RARB: variants seen among roughly 807,000 people sequenced by gnomAD.
The protein encoded by RARB is retinoic acid receptor beta, also known as HBV-activated protein.
Under a neutral mutation model 51.9 loss-of-function variants are expected in RARB, and 17 were observed. The ratio of observed to expected loss-of-function variants is 0.33; its 90% CI spans 0.22 to 0.49. RARB has a LOEUF of 0.49. Among genes scored for constraint, RARB ranks in the 20% least tolerant of loss-of-function variants. The probability of loss-of-function intolerance (pLI) is 0.99; values close to 1 mark genes in which losing one functional copy is unlikely to be tolerated. For synonymous variants in RARB, 215 were observed against 195.4 expected (o/e 1.10, Z -0.84); for missense variants, 369 against 550.8 (o/e 0.67, Z 3.30).
At chr3:25,482,737 C>T (rs1193863277) in intron 2 of RARB, among the ~76,000 whole-genome samples, 1 of 151,606 alleles carries the variant, frequency 6.6e-6, no homozygotes, top group Admixed American at 6.6e-5. Flanking sequence ...GACGGGGTTT[C>T]ACCATGTTAG....
intron 3 of RARB, among the ~76,000 whole-genome samples, chr3:25,085,652 A>AT (rs1057495690): frequency 3.9e-5 from 6 of 152,116 alleles, no homozygotes; most frequent in African/African-American, 7.2e-5. Context: ...TATAAATCAG[A>AT]TTTTTTAGTC....
chr3:24,958,898 A>C (rs190992276), intron 2 of RARB, among the ~76,000 whole-genome samples: 2 of 152,204 alleles, frequency 1.3e-5, no homozygotes, highest in East Asian at 3.9e-4. Flanking sequence ...GCCTCATGAC[A>C]GGAGTGCCTT....
chr3:25,401,840 G>A (rs1286306456), intron 5 of RARB, among the ~76,000 whole-genome samples: 1 of 152,166 alleles, frequency 6.6e-6, no homozygotes, highest in Non-Finnish European at 1.5e-5. Flanking sequence ...GCAGTGGCAT[G>A]ATCTAGGTTC....
At position 25,137,854 on chromosome 3, in the gene RARB, G is replaced by A. The variant is rs1006146879; in HGVS notation, c.-280+5646G>A. Among the ~76,000 whole-genome samples the A allele has an allele frequency of 2.0e-5, 3 of 152,212 alleles. No homozygotes were observed. The East Asian group carries it at 5.8e-4, about 29-fold the overall frequency. On this transcript the variant is annotated intron_variant, in intron 4 of 11. Transcript: ENST00000383772. ...CGGCCCACAGCCATGACTGAGAGGC[G>A]AAACTACTTTGTAAGACCTGAAGGC...
intron 5 of RARB, among the ~76,000 whole-genome samples, chr3:25,309,855 C>T (rs1388426032): frequency 6.6e-6 from 1 of 152,096 alleles, no homozygotes; most frequent in Admixed American, 6.6e-5. Flanking sequence ...TTTTACATTA[C>T]CCCTACACAT....
chr3:25,309,916 C>T (rs1435372656), intron 5 of RARB, among the ~76,000 whole-genome samples: 1 of 152,150 alleles, frequency 6.6e-6, no homozygotes, highest in Non-Finnish European at 1.5e-5. Flanking sequence ...TACTTGATGG[C>T]TTTAAAGAAA....
intron 5 of RARB, among the ~76,000 whole-genome samples, chr3:25,190,498 T>A (rs950440897): frequency 2.6e-5 from 4 of 152,148 alleles, no homozygotes; most frequent in Admixed American, 6.6e-5. Flanking sequence ...GATGTTTAAC[T>A]GGCATGTTCT....
chr3:25,464,669 A>C (rs1695342469), intron 2 of RARB, among the ~76,000 whole-genome samples: 1 of 152,156 alleles, frequency 6.6e-6, no homozygotes, highest in Non-Finnish European at 1.5e-5. Context: ...AAAAAAATTA[A>C]ATATAATTTT....
chr3:25,023,470 T>C (rs941792335), intron 2 of RARB, among the ~76,000 whole-genome samples: 2 of 150,144 alleles, frequency 1.3e-5, no homozygotes, highest in African/African-American at 4.9e-5. Context: ...CAGTATGTGT[T>C]TATGAGCACT....
At chr3:25,192,336 A>C (rs147982725) in intron 5 of RARB, among the ~76,000 whole-genome samples, 245 of 152,238 alleles carry the variant, frequency 1.6e-3, no homozygotes, top group African/African-American at 5.9e-3. Context: ...TAATTGTTTT[A>C]AAACTATTGG....
At chr3:25,213,106 A>G (rs556935478) in intron 5 of RARB, among the ~76,000 whole-genome samples, 1 of 152,114 alleles carries the variant, frequency 6.6e-6, no homozygotes, top group African/African-American at 2.4e-5. Flanking sequence ...TGCCATCCAT[A>G]TAAGATACTA....
Position 25,020,830 on chromosome 3 carries a change from G to A in RARB, c.-379-39295G>A, listed in dbSNP as rs546443932. The stretch of plus-strand genomic sequence containing the variant: ...ATTTTTCTACAAAAAGTAACTGGGC[G>A]TGGTGGCACGTTGCTGTAATCCCAG... On this transcript the variant is annotated intron_variant, in intron 2 of 11. Coordinates refer to the RARB transcript ENST00000383772. Among the ~76,000 whole-genome samples, 9 of 152,238 alleles carry A rather than the reference G, an allele frequency of 5.9e-5. No homozygotes were observed. In the South Asian group the frequency reaches 6.2e-4, roughly 11 times the overall value.
intron 3 of RARB, among the ~76,000 whole-genome samples, chr3:25,515,995 C>A (rs6781550): frequency 0.16 from 24,351 of 152,216 alleles, 3,623 homozygotes; most frequent in African/African-American, 0.4. Flanking sequence ...AATACCTTAA[C>A]ATTTCTTCAG....
At chr3:24,990,294 T>C (rs1696883666) in intron 2 of RARB, among the ~76,000 whole-genome samples, 1 of 87,466 alleles carries the variant, frequency 1.1e-5, no homozygotes, top group Non-Finnish European at 2.2e-5. Context: ...TCATTTAGCA[T>C]TAGGTATATC....
chr3:25,569,881 C>A lies in RARB; in HGVS notation c.572C>A (p.Thr191Asn). ...TEKIRKAHQE[T>N]FPSLCQLGKY... ...AAGATCCGAAAAGCTCACCAGGAAA[C>A]TTTCCCTTCACTCTGCCAGCTGGGT... is the stretch of plus-strand genomic sequence containing the variant. The change falls in exon 4 of 8, where the codon ACT (threonine) becomes AAT (asparagine). Residue 191 changes from threonine (T) to asparagine (N), a missense_variant. By Grantham distance (65) the Thr-to-Asn change is moderately conservative (BLOSUM62 0). This residue lies in a region of RARB where 46 missense variants were observed against 43.2 expected (regional missense o/e 1.07). Coordinates refer to ENST00000330688, the MANE Select transcript of RARB (RefSeq NM_000965.5). 1 of 1,614,210 alleles carries A rather than the reference C, an allele frequency of 6.2e-7. No homozygotes were observed. Among genetic ancestry groups the A allele is most frequent in the East Asian group, 2.2e-5 (1 of 44,878 alleles).
At chr3:25,227,842 C>A (rs1358565643) in intron 5 of RARB, among the ~76,000 whole-genome samples, 1 of 152,060 alleles carries the variant, frequency 6.6e-6, no homozygotes, top group East Asian at 1.9e-4. Flanking sequence ...GTTCCATTAT[C>A]CCAGCCAGGT....
At chr3:25,329,945 TGAGAA>T (rs1704841716) in intron 5 of RARB, among the ~76,000 whole-genome samples, 2 of 151,666 alleles carry the variant, frequency 1.3e-5, no homozygotes, top group African/African-American at 4.8e-5. Context: ...TGAAATGAAG[TGAGAA>T]GAGAAGTTTA....
At chr3:25,432,840 T>G (rs1178968081) in intron 1 of RARB, among the ~76,000 whole-genome samples, 2 of 152,186 alleles carry the variant, frequency 1.3e-5, no homozygotes, top group African/African-American at 4.8e-5. Flanking sequence ...CTGAGAATTT[T>G]AAGTTACTCT....
intron 3 of RARB, among the ~76,000 whole-genome samples, chr3:25,107,544 T>C (rs560791171): frequency 6.6e-6 from 1 of 152,298 alleles, no homozygotes; most frequent in African/African-American, 2.4e-5. Flanking sequence ...AATCCAGTAG[T>C]CTTTCCCCTC....
Sources: allele counts gnomAD v4.1 joint callset (sites outside exome capture counted in the v4.1 genomes callset), GRCh38; gene constraint gnomAD v4.1.1; regional missense constraint gnomAD v4.1.1; transcripts MANE v1.5; gene names NCBI Gene and HGNC (gene_info 2026-07-23, HGNC 2026-07-21).